Variants in PSME3IP1 observed in about 807,000 individuals in gnomAD.
PSME3IP1 encodes proteasome activator subunit 3 interacting protein 1.
A neutral mutation model predicts 34.1 loss-of-function variants in PSME3IP1; 13 were observed. The ratio of observed to expected loss-of-function variants is 0.38; its 90% CI spans 0.25 to 0.61. The LOEUF is 0.61. Ranked by LOEUF, PSME3IP1 falls within the 20% of genes least tolerant of loss-of-function variation. PSME3IP1 has a pLI of 0.60. For synonymous variants in PSME3IP1, 93 were observed against 114.3 expected (o/e 0.81, Z 1.19); for missense variants, 237 against 301.4 (o/e 0.79, Z 1.58).
intron 4 of PSME3IP1, among the ~76,000 whole-genome samples, chr16:57,168,504 TA>T (rs11390503): frequency 3.3e-5 from 5 of 150,678 alleles, no homozygotes; most frequent in Non-Finnish European, 3.0e-5. Flanking sequence ...CATTTTTATT[TA>T]AAAAAAAATA....
chr16:57,157,240 G>A (rs149157988), intron 6 of PSME3IP1, among the ~76,000 whole-genome samples: 11 of 149,066 alleles, frequency 7.4e-5, no homozygotes, highest in Non-Finnish European at 8.9e-5. Context: ...TTGAACTGGC[G>A]AAGCTGAGGC....
intron 6 of PSME3IP1, among the ~76,000 whole-genome samples, chr16:57,155,613 C>T (rs1006380999): frequency 6.6e-5 from 10 of 152,074 alleles, no homozygotes; most frequent in South Asian, 2.1e-4. Flanking sequence ...AGTTCACTGG[C>T]CAACACAGTG....
chr16:57,179,583 C>T lies in PSME3IP1; in HGVS notation c.-15-5714G>A, dbSNP rs148978586. Among the ~76,000 whole-genome samples, 643 of 152,314 alleles carry T rather than the reference C, an allele frequency of 4.2e-3. 5 individuals are homozygous for T. Among genetic ancestry groups the T allele is most frequent in the African/African-American group, 0.014 (602 of 41,568 alleles). ...AAAAATGACTCCATTTAGCTAGTGC[C>T]ATGACACAAAGTAATGAGATCTGGT... On this transcript the variant is annotated intron_variant, in intron 1 of 6. Coordinates refer to ENST00000309137, the MANE Select transcript of PSME3IP1 (RefSeq NM_024946.4).
rs1476550709 is a variant in PSME3IP1, at chr16:57,154,351, T to C, written c.704A>G (p.Asn235Ser). 12 of 1,613,824 alleles carry C rather than the reference T, an allele frequency of 7.4e-6. No individual in the cohort carries two copies. Among genetic ancestry groups the C allele is most frequent in the East Asian group, 4.5e-5 (2 of 44,884 alleles). The change falls in exon 7 of 7, where the codon AAT becomes AGT. Residue 235 changes from asparagine (N) to serine (S), a missense_variant. Transcript: ENST00000309137. This position sits in a 1 kb window ranked among gnomAD's most constrained non-coding sequence, Gnocchi z 4.0. Reference protein sequence around the residue: ...ESSSDSEGTINATGKIVSSIF... With the variant: ...ESSSDSEGTISATGKIVSSIF... Reference sequence around the variant, plus strand: ...GGAGGAGACAATCTTTCCGGTGGCATTGATGGTGCCTTCGCTGTCTGAGCT... The same window carrying C: ...GGAGGAGACAATCTTTCCGGTGGCACTGATGGTGCCTTCGCTGTCTGAGCT...
intron 1 of PSME3IP1, among the ~76,000 whole-genome samples, chr16:57,176,975 CT>C (rs1325687384): frequency 6.6e-6 from 1 of 152,128 alleles, no homozygotes; most frequent in Admixed American, 6.5e-5. Flanking sequence ...CTGCCTCAGC[CT>C]CCTGAGTAGC....
chr16:57,175,129 C>T (rs2073057713), intron 1 of PSME3IP1, among the ~76,000 whole-genome samples: 1 of 151,924 alleles, frequency 6.6e-6, no homozygotes, highest in Non-Finnish European at 1.5e-5. Flanking sequence ...ATTCTCCTGC[C>T]TCCGCCTCCT....
chr16:57,182,522 G>A (rs1164044083), intron 1 of PSME3IP1, among the ~76,000 whole-genome samples: 3 of 139,112 alleles, frequency 2.2e-5, no homozygotes, highest in Non-Finnish European at 3.0e-5. Context: ...AGGCCAGCCC[G>A]GGCAACATAA....
At chr16:57,162,664 CA>C (rs773301974) in intron 6 of PSME3IP1, among the ~76,000 whole-genome samples, 505 of 55,676 alleles carry the variant, frequency 9.1e-3, no homozygotes, top group Middle Eastern at 0.022. Flanking sequence ...GACCCTGTCT[CA>C]AAAAAAAAAA....
chr16:57,165,609 C>T (rs1567388126), intron 5 of PSME3IP1, among the ~76,000 whole-genome samples: 1 of 152,130 alleles, frequency 6.6e-6, no homozygotes, highest in African/African-American at 2.4e-5. Flanking sequence ...ACTACGACTC[C>T]CAGACTTCAC....
At chr16:57,162,562 G>C (rs148360859) in intron 6 of PSME3IP1, among the ~76,000 whole-genome samples, 219 of 151,814 alleles carry the variant, frequency 1.4e-3, no homozygotes, top group African/African-American at 5.0e-3. Flanking sequence ...CTACCTGGGT[G>C]GTTGAGGCAT....
intron 1 of PSME3IP1, chr16:57,174,592 T>G: frequency 1.0e-6 from 1 of 985,462 alleles, no homozygotes; most frequent in Non-Finnish European, 1.2e-6. Context: ...AATTCCTGTT[T>G]CTGAGACATT....
intron 4 of PSME3IP1, among the ~76,000 whole-genome samples, 200 bp from the exon 5 acceptor site, chr16:57,167,426 A>G (rs181604325): frequency 1.3e-5 from 2 of 152,358 alleles, no homozygotes; most frequent in Admixed American, 1.3e-4. Context: ...AAAGCCCAAA[A>G]TAATACAGAT....
At chr16:57,178,252 T>C (rs1380745523) in intron 1 of PSME3IP1, among the ~76,000 whole-genome samples, 1 of 152,216 alleles carries the variant, frequency 6.6e-6, no homozygotes, top group African/African-American at 2.4e-5. Context: ...TTTCACCCGA[T>C]GCAAACTGCT....
rs2072905187 is a variant in PSME3IP1, at chr16:57,173,847, C to T, written c.8G>A (p.Gly3Glu). ...GATAATAAGGTTACCATCATCCCCTCCATCCATAATGAAACAACCAATCTA... is the reference window on the plus strand; with the variant it reads ...GATAATAAGGTTACCATCATCCCCTTCATCCATAATGAAACAACCAATCTA... MD[G>E]GDDGNLIIKK... The change falls in exon 2 of 7, where the codon GGA (glycine) becomes GAA (glutamate). Residue 3 changes from glycine (G) to glutamate (E), a missense_variant. Gly to Glu is a moderately conservative substitution (Grantham distance 98). Coordinates refer to ENST00000309137, the MANE Select transcript of PSME3IP1 (RefSeq NM_024946.4). 1.9e-6 allele frequency: 3 copies of T among 1,613,630 alleles called. No individual in the cohort carries two copies. The highest frequency in any genetic ancestry group is 2.5e-6 in the Non-Finnish European group (3 of 1,179,880).
chr16:57,173,667 T>C, intron 2 of PSME3IP1, 61 bp downstream of exon 2: 2 of 1,582,436 alleles, frequency 1.3e-6, no homozygotes, highest in Non-Finnish European at 1.7e-6. Context: ...GGACAATTAA[T>C]ACCTACTCTG....
intron 6 of PSME3IP1, among the ~76,000 whole-genome samples, chr16:57,163,540 A>G (rs1466215543): frequency 6.6e-6 from 1 of 152,234 alleles, no homozygotes; most frequent in Non-Finnish European, 1.5e-5. Flanking sequence ...AGATTTCATC[A>G]CATAAAAGTA....
In PSME3IP1 at chr16:57,153,807, C is replaced by T. The variant is rs6499867; in HGVS notation, c.*483G>A. On this transcript the variant is annotated 3_prime_UTR_variant, in exon 7 of 7. Transcript: ENST00000309137. ...AGTTCCAGGGAAGGGCTCCATTTCA[C>T]TACCTGGGTCAGTTCTCTTCCCCCG... The T allele has an allele frequency of 0.96, 147,935 of 154,898 alleles. 70,677 individuals are homozygous for T. The highest frequency in any genetic ancestry group is 0.99 in the Middle Eastern group (295 of 298). The allele number at this position is 154,898 out of a possible 1,614,324, so 9.6% of individuals were successfully genotyped here.
At chr16:57,158,638 TC>T (rs1274354194) in intron 6 of PSME3IP1, among the ~76,000 whole-genome samples, 1 of 152,204 alleles carries the variant, frequency 6.6e-6, no homozygotes, top group Admixed American at 6.5e-5. Flanking sequence ...GATATATAGA[TC>T]AGTTACCTAG....
intron 6 of PSME3IP1, among the ~76,000 whole-genome samples, chr16:57,157,465 C>T (rs2070694770): frequency 6.6e-6 from 1 of 152,104 alleles, no homozygotes; most frequent in African/African-American, 2.4e-5. Context: ...AGTGGCCATG[C>T]CCATGTAGAT....
Sources: allele counts gnomAD v4.1 joint callset (sites outside exome capture counted in the v4.1 genomes callset), GRCh38; gene constraint gnomAD v4.1.1; non-coding constraint Gnocchi (gnomAD v3.1); transcripts MANE v1.5; gene names NCBI Gene and HGNC (gene_info 2026-07-23, HGNC 2026-07-21).